FAM53B: variants seen among roughly 807,000 people sequenced by gnomAD.
FAM53B encodes protein FAM53B.
FAM53B carries 12 observed loss-of-function variants against 32.7 expected under a neutral mutation model. The ratio of observed to expected loss-of-function variants is 0.37; its 90% confidence interval spans 0.24 to 0.59. FAM53B has a LOEUF of 0.59. FAM53B is among the 20% of genes least tolerant of loss of function. FAM53B has a pLI of 0.72. For synonymous variants in FAM53B, 234 were observed against 228.7 expected (o/e 1.02, Z -0.21); for missense variants, 477 against 577.7 (o/e 0.83, Z 1.79).
Position 124,619,385 on chromosome 10 carries a change from T to C in FAM53B, c.*3857A>G, listed in dbSNP as rs1021751499. 2.0e-5 allele frequency: 3 copies of C among 152,478 alleles called. No homozygotes were observed. The highest frequency in any genetic ancestry group is 2.9e-5 in the Non-Finnish European group (2 of 68,016). The allele number at this position is 152,478 out of a possible 1,614,324, so 9.4% of individuals were successfully genotyped here. A position where few individuals can be genotyped will look rare whatever the true frequency, so the allele number is the denominator to read the frequency against. On this transcript the variant is annotated 3_prime_UTR_variant, in exon 5 of 5. Coordinates refer to ENST00000337318, the MANE Select transcript of FAM53B (RefSeq NM_014661.4). Reference sequence around the variant, plus strand: ...CGGCTGGAGTGCAAGCCACAGCCTGTGCGGGGAGGCCAGGCTGCAGGGGCG... The same window carrying C: ...CGGCTGGAGTGCAAGCCACAGCCTGCGCGGGGAGGCCAGGCTGCAGGGGCG...
chr10:124,722,684 A>C (rs1950076596), intron 1 of FAM53B, among the ~76,000 whole-genome samples: 1 of 152,236 alleles, frequency 6.6e-6, no homozygotes, highest in Non-Finnish European at 1.5e-5. Context: ...TATAAAAAAT[A>C]CTGTATTTTT....
chr10:124,651,163 C>T lies in FAM53B; in HGVS notation c.907-27559G>A, dbSNP rs1045044938. Reference sequence around the variant, plus strand: ...CCAAGCCTTCTGTCCTTGCCGGCCTCGGTTTCTCCCTTTGTGCCACAGGGA... The same window carrying T: ...CCAAGCCTTCTGTCCTTGCCGGCCTTGGTTTCTCCCTTTGTGCCACAGGGA... On this transcript the variant is annotated intron_variant, in intron 4 of 4. Transcript: ENST00000337318. The surrounding 1 kb of genome is among the most constrained non-coding windows in gnomAD (Gnocchi z 5.2). Among the ~76,000 whole-genome samples the T allele has an allele frequency of 2.6e-5, 4 of 152,254 alleles. No homozygotes were observed. Among genetic ancestry groups the T allele is most frequent in the African/African-American group, 9.6e-5 (4 of 41,466 alleles).
chr10:124,656,348 T>G (rs1949589226), intron 4 of FAM53B, among the ~76,000 whole-genome samples: 1 of 152,250 alleles, frequency 6.6e-6, no homozygotes, highest in African/African-American at 2.4e-5. Context: ...GGAGCCCTGC[T>G]GTAGTGGGAG....
chr10:124,693,562 G>C (rs1209963414), intron 3 of FAM53B, among the ~76,000 whole-genome samples: 1 of 152,152 alleles, frequency 6.6e-6, no homozygotes, highest in Non-Finnish European at 1.5e-5. Flanking sequence ...CGGAGGACTG[G>C]AGAGGTAACC....
chr10:124,696,048 C>T (rs929165381), intron 3 of FAM53B, 110 bp downstream of exon 3: 10 of 894,138 alleles, frequency 1.1e-5, no homozygotes, highest in East Asian at 4.8e-5. Flanking sequence ...CCCGGGGCTG[C>T]TCTTTTTGAA....
rs568025469 is a variant in FAM53B at position 124,707,451 on chromosome 10, C to G, written c.-174-564G>C. ...AGTAGGGTCCATTTAAAAAGGCATA[C>G]ATTTGGCCAGGCACGGTGGCTCATG... On this transcript the variant is annotated intron_variant, in intron 1 of 4. Transcript: ENST00000337318. Among the ~76,000 whole-genome samples the G allele has an allele frequency of 7.2e-5, 11 of 152,302 alleles. No individual in the cohort carries two copies. The South Asian group carries it at 1.9e-3, about 26-fold the overall frequency.
intron 3 of FAM53B, among the ~76,000 whole-genome samples, chr10:124,694,111 AAC>A (rs1949852623): frequency 6.6e-6 from 1 of 152,184 alleles, no homozygotes; most frequent in African/African-American, 2.4e-5. Flanking sequence ...CCACCAGTAC[AAC>A]GGCTCCCCGC....
intron 1 of FAM53B, among the ~76,000 whole-genome samples, chr10:124,721,411 A>C (rs1174644527): frequency 6.6e-6 from 1 of 152,266 alleles, no homozygotes; most frequent in Non-Finnish European, 1.5e-5. Context: ...ATCCACATCC[A>C]CAAGGCCCCA....
chr10:124,707,492 C>T (rs1413922844), intron 1 of FAM53B, among the ~76,000 whole-genome samples: 2 of 152,222 alleles, frequency 1.3e-5, no homozygotes, highest in Admixed American at 6.5e-5. Context: ...AATCCCAGCA[C>T]TTCAGGAAGC....
chr10:124,720,730 T>C (rs1257912817), intron 1 of FAM53B, among the ~76,000 whole-genome samples: 1 of 152,102 alleles, frequency 6.6e-6, no homozygotes. Flanking sequence ...GGGATGATGG[T>C]AGGGGCTGAA....
At chr10:124,696,067 C>T (rs1949867474) in intron 3 of FAM53B, 91 bp downstream of exon 3, 4 of 1,046,012 alleles carry the variant, frequency 3.8e-6, no homozygotes, top group Non-Finnish European at 5.9e-6. Flanking sequence ...AACTTGTGTC[C>T]AGAAAGTGCT....
At chr10:124,735,260 A>G (rs1307868598) in intron 1 of FAM53B, among the ~76,000 whole-genome samples, 2 of 152,222 alleles carry the variant, frequency 1.3e-5, no homozygotes, top group East Asian at 3.8e-4. Context: ...CAAAGAATTC[A>G]TTCACAGAAG....
At chr10:124,694,507 A>C (rs538084407) in intron 3 of FAM53B, among the ~76,000 whole-genome samples, 5 of 152,336 alleles carry the variant, frequency 3.3e-5, no homozygotes, top group Non-Finnish European at 5.9e-5. Flanking sequence ...CACAGTGCAA[A>C]GACTAGAAAT....
intron 1 of FAM53B, among the ~76,000 whole-genome samples, chr10:124,738,393 C>G (rs1950183639): frequency 6.6e-6 from 1 of 151,280 alleles, no homozygotes; most frequent in African/African-American, 2.4e-5. Flanking sequence ...CCAGGTGACT[C>G]TAATGTGCAG....
intron 4 of FAM53B, among the ~76,000 whole-genome samples, chr10:124,650,591 G>A (rs146573545): frequency 1.5e-3 from 223 of 152,274 alleles, no homozygotes; most frequent in Non-Finnish European, 2.6e-3. Flanking sequence ...AAATGAGGAC[G>A]CTGCAGCTCA....
chr10:124,664,444 C>T (rs541363733), intron 4 of FAM53B, among the ~76,000 whole-genome samples: 4 of 152,302 alleles, frequency 2.6e-5, no homozygotes, highest in Admixed American at 2.6e-4. Flanking sequence ...AACACTGGGC[C>T]GGGAAGGCAG....
At chr10:124,626,313 C>A (rs535129838) in intron 4 of FAM53B, among the ~76,000 whole-genome samples, 1 of 147,948 alleles carries the variant, frequency 6.8e-6, no homozygotes, top group Non-Finnish European at 1.5e-5. Context: ...GCGCAGGTAG[C>A]GGGGGTGCCT....
rs956154003 is a variant in FAM53B at position 124,733,395 on chromosome 10, T to A, written c.-175+10618A>T. Among the ~76,000 whole-genome samples, 2 of 152,100 alleles carry A rather than the reference T, an allele frequency of 1.3e-5. No homozygotes were observed. The highest frequency in any genetic ancestry group is 1.3e-4 in the Admixed American group (2 of 15,260). ...GTGACTCAGGCCCGCCATTCTCGAG[T>A]GTCTGTGTCAGCAGCTTCCCCCTGC... On this transcript the variant is annotated intron_variant, in intron 1 of 4. Transcript: ENST00000337318. The surrounding 1 kb of genome is among the most constrained non-coding windows in gnomAD (Gnocchi z 4.3).
chr10:124,677,047 C>A (rs1949740521), intron 4 of FAM53B, among the ~76,000 whole-genome samples: 3 of 152,202 alleles, frequency 2.0e-5, no homozygotes, highest in Admixed American at 2.0e-4. Flanking sequence ...ATTTGTTGCT[C>A]TTTCAAGCTG....
Sources: allele counts gnomAD v4.1 joint callset (sites outside exome capture counted in the v4.1 genomes callset), GRCh38; gene constraint gnomAD v4.1.1; non-coding constraint Gnocchi (gnomAD v3.1); transcripts MANE v1.5; gene names NCBI Gene and HGNC (gene_info 2026-07-23, HGNC 2026-07-21).